The following CPLANE1 variants were observed in gnomAD, a reference collection of about 807,000 sequenced individuals.
CPLANE1 encodes ciliogenesis and planar polarity effector complex subunit 1, also known as ciliogenesis and planar polarity effector 1.
Under a neutral mutation model 362.5 loss-of-function variants are expected in CPLANE1, and 263 were observed. That is an observed-to-expected ratio of 0.73 (90% CI 0.66 to 0.80). The LOEUF (loss-of-function observed/expected upper bound fraction) is 0.80, where lower values mean the gene tolerates loss of function less well. Ranked by LOEUF, CPLANE1 falls within the 30% of genes least tolerant of loss-of-function variation. The pLI is 0.00. For synonymous variants in CPLANE1, 1,212 were observed against 1,302.6 expected (o/e 0.93, Z 1.50); for missense variants, 3,461 against 3,793.4 (o/e 0.91, Z 2.30).
intron 50 of CPLANE1, among the ~76,000 whole-genome samples, chr5:37,118,718 CTT>C (rs34865341): frequency 3.5e-5 from 5 of 142,532 alleles, no homozygotes; most frequent in Admixed American, 1.4e-4. Context: ...TGTTATTTTA[CTT>C]TTTTTTTTTT....
At chr5:37,145,625 G>A (rs928757266) in intron 43 of CPLANE1, among the ~76,000 whole-genome samples, 1 of 152,006 alleles carries the variant, frequency 6.6e-6, no homozygotes, top group Non-Finnish European at 1.5e-5. Context: ...ACCTATGAAT[G>A]TTAAAAATTC....
intron 43 of CPLANE1, 43 bp downstream of exon 43, chr5:37,148,138 A>G (rs1772290726): frequency 2.1e-6 from 3 of 1,459,874 alleles, no homozygotes; most frequent in Non-Finnish European, 2.9e-6. Flanking sequence ...TTTCAGATCA[A>G]CTAAAGCAAG....
chr5:37,107,988 A>C (rs1178938831), intron 52 of CPLANE1, among the ~76,000 whole-genome samples: 1 of 152,186 alleles, frequency 6.6e-6, no homozygotes, highest in East Asian at 1.9e-4. Flanking sequence ...ACACAACGAG[A>C]TGCTGGCACC....
chr5:37,226,204 A>T, intron 12 of CPLANE1, 100 bp downstream of exon 12: 2 of 809,464 alleles, frequency 2.5e-6, no homozygotes, highest in Non-Finnish European at 3.7e-6. Flanking sequence ...AGTACATTTT[A>T]AAATGATGAA....
intron 44 of CPLANE1, chr5:37,139,769 C>T (rs985840562): frequency 1.1e-5 from 9 of 803,000 alleles, no homozygotes; most frequent in African/African-American, 1.1e-4. Flanking sequence ...AGGTTGGTCT[C>T]GAACTCCTGA....
intron 12 of CPLANE1, among the ~76,000 whole-genome samples, chr5:37,225,573 C>T (rs546113488): frequency 4.6e-5 from 7 of 152,064 alleles, no homozygotes; most frequent in East Asian, 3.9e-4. Flanking sequence ...TCATTTTGGC[C>T]GGGCGTGGTG....
intron 35 of CPLANE1, among the ~76,000 whole-genome samples, 175 bp downstream of exon 35, chr5:37,166,872 C>T (rs532648151): frequency 6.6e-6 from 1 of 152,148 alleles, no homozygotes; most frequent in African/African-American, 2.4e-5. Context: ...ATTTGTCTCG[C>T]AAAATAGGAA....
chr5:37,076,366 C>G, the CPLANE1 span, among the ~76,000 whole-genome samples: 6 of 151,974 alleles, frequency 3.9e-5, no homozygotes, highest in African/African-American at 1.5e-4. Flanking sequence ...CACTCTGTTA[C>G]CCAGGTGCAA....
chr5:37,208,406 G>C (rs1254515201), intron 16 of CPLANE1, among the ~76,000 whole-genome samples: 3 of 152,202 alleles, frequency 2.0e-5, no homozygotes, highest in Non-Finnish European at 2.9e-5. Context: ...GGCCGGGAGC[G>C]GTGGCTCACG....
In CPLANE1 at chr5:37,169,553, T is replaced by C. The variant is rs767233788; in HGVS notation, c.6471A>G (p.Pro2157=). Reference sequence around the variant, plus strand: ...ATTGACATAAAGGAATACTCCCATGTGGAACATTCTGGAAGAGAAAAAAGA... The same window carrying C: ...ATTGACATAAAGGAATACTCCCATGCGGAACATTCTGGAAGAGAAAAAAGA... The part of the protein sequence containing the change: ...QNSTGNVQNV[P]HGSIPLCQLN... Residue 2157 remains proline (P), a synonymous_variant, in exon 34 of 53, where the codon CCA becomes CCG. Transcript: ENST00000651892. The C allele has an allele frequency of 1.6e-5, 26 of 1,590,682 alleles. No homozygotes were observed. Among genetic ancestry groups the C allele is most frequent in the Non-Finnish European group, 2.2e-5 (26 of 1,170,030 alleles).
intron 16 of CPLANE1, 103 bp from the exon 17 acceptor site, chr5:37,206,528 C>T (rs1235251451): frequency 1.4e-6 from 1 of 739,784 alleles, no homozygotes; most frequent in Non-Finnish European, 2.2e-6. Context: ...CTACAAAAAA[C>T]CACCAGGAAG....
rs1340805010 is a variant in CPLANE1, at chr5:37,164,854, A to T, written c.7534-527T>A. Among the ~76,000 whole-genome samples, 4 of 152,242 alleles carry T rather than the reference A, an allele frequency of 2.6e-5. No homozygotes were observed. In the East Asian group the frequency reaches 5.8e-4, roughly 22 times the overall value. Reference sequence around the variant, plus strand: ...GCATGATGGCTCACACCTATAATCCAAGTGTTTTAGGAGGCTGAGGTGGAA... The same window carrying T: ...GCATGATGGCTCACACCTATAATCCTAGTGTTTTAGGAGGCTGAGGTGGAA... On this transcript the variant is annotated intron_variant, in intron 36 of 52. Coordinates refer to ENST00000651892, the MANE Select transcript of CPLANE1 (RefSeq NM_001384732.1).
intron 50 of CPLANE1, among the ~76,000 whole-genome samples, chr5:37,119,202 A>T (rs576210177): frequency 6.6e-6 from 1 of 152,216 alleles, no homozygotes; most frequent in Non-Finnish European, 1.5e-5. Flanking sequence ...GGATAAAAAC[A>T]TGACATTATT....
chr5:37,082,673 C>T, the CPLANE1 span, among the ~76,000 whole-genome samples: 1 of 151,388 alleles, frequency 6.6e-6, no homozygotes, highest in African/African-American at 2.4e-5. Context: ...TACAACATAA[C>T]TATATGTTAC....
chr5:37,139,832 G>T, intron 44 of CPLANE1: 1 of 985,558 alleles, frequency 1.0e-6, no homozygotes, highest in Non-Finnish European at 1.2e-6. Flanking sequence ...TTACAGGCAT[G>T]GGCCATCGCA....
intron 38 of CPLANE1, among the ~76,000 whole-genome samples, chr5:37,159,992 A>T (rs909937677): frequency 6.6e-6 from 1 of 152,240 alleles, no homozygotes; most frequent in Non-Finnish European, 1.5e-5. Flanking sequence ...AAAATTTCAC[A>T]AACACAAGAA....
At chr5:37,148,811 G>C (rs1452562690) in intron 42 of CPLANE1, among the ~76,000 whole-genome samples, 1 of 152,130 alleles carries the variant, frequency 6.6e-6, no homozygotes, top group Non-Finnish European at 1.5e-5. Flanking sequence ...AGCACTTTGG[G>C]AGGGTGAAGC....
At chr5:37,155,817 TA>T (rs924447876) in intron 41 of CPLANE1, among the ~76,000 whole-genome samples, 6 of 152,184 alleles carry the variant, frequency 3.9e-5, no homozygotes, top group African/African-American at 1.4e-4. Flanking sequence ...GAGAGAAAAG[TA>T]AAACGTATCT....
At chr5:37,206,765 CATTT>C (rs1207498390) in intron 16 of CPLANE1, among the ~76,000 whole-genome samples, 3 of 151,834 alleles carry the variant, frequency 2.0e-5, no homozygotes, top group African/African-American at 7.3e-5. Flanking sequence ...ATACAAAAAA[CATTT>C]ATATCTACTA....
Sources: allele counts gnomAD v4.1 joint callset (sites outside exome capture counted in the v4.1 genomes callset), GRCh38; gene constraint gnomAD v4.1.1; transcripts MANE v1.5; gene names NCBI Gene and HGNC (gene_info 2026-07-23, HGNC 2026-07-21).